The following CDK6 variants were observed in gnomAD, a reference collection of about 807,000 sequenced individuals.
CDK6 encodes cyclin dependent kinase 6.
A neutral mutation model predicts 37.1 loss-of-function variants in CDK6; 6 were observed. The ratio of observed to expected loss-of-function variants is 0.16; its 90% CI spans 0.09 to 0.32. The LOEUF is 0.32. Ranked by LOEUF, CDK6 falls within the 10% of genes least tolerant of loss-of-function variation. The pLI is 1.00. For synonymous variants in CDK6, 160 were observed against 161.3 expected (o/e 0.99, Z 0.06); for missense variants, 224 against 418.9 (o/e 0.53, Z 4.06).
intron 5 of CDK6, among the ~76,000 whole-genome samples, chr7:92,656,959 C>T (rs1407989041): frequency 6.6e-6 from 1 of 152,094 alleles, no homozygotes; most frequent in Non-Finnish European, 1.5e-5. Flanking sequence ...AGTTTATTAC[C>T]ATTAGATCAT....
At chr7:92,827,562 C>T (rs1562977639) in intron 2 of CDK6, among the ~76,000 whole-genome samples, 2 of 152,158 alleles carry the variant, frequency 1.3e-5, no homozygotes, top group East Asian at 1.9e-4. Flanking sequence ...AACTACCCAG[C>T]AGCTCTTGGA....
At chr7:92,662,021 G>A (rs1796851157) in intron 5 of CDK6, among the ~76,000 whole-genome samples, 2 of 152,182 alleles carry the variant, frequency 1.3e-5, no homozygotes, top group African/African-American at 2.4e-5. Context: ...GGAATACAAA[G>A]GGGAATGAGA....
intron 4 of CDK6, among the ~76,000 whole-genome samples, chr7:92,719,951 T>C (rs2116698501): frequency 6.6e-6 from 1 of 152,224 alleles, no homozygotes; most frequent in African/African-American, 2.4e-5. Context: ...GAATGTGCTG[T>C]TGCAATTATG....
intron 3 of CDK6, among the ~76,000 whole-genome samples, chr7:92,768,797 C>G (rs1337417042): frequency 6.6e-6 from 1 of 152,062 alleles, no homozygotes; most frequent in African/African-American, 2.4e-5. Context: ...GCCTTGTTTT[C>G]TGGGAAGCGA....
intron 2 of CDK6, among the ~76,000 whole-genome samples, chr7:92,781,568 C>CA (rs1336866631): frequency 6.6e-6 from 1 of 152,198 alleles, no homozygotes; most frequent in Non-Finnish European, 1.5e-5. Context: ...GCTTTGTAAA[C>CA]ACAAGCCCTG....
intron 4 of CDK6, among the ~76,000 whole-genome samples, chr7:92,680,217 G>A (rs547857961): frequency 1.4e-3 from 206 of 150,724 alleles, no homozygotes; most frequent in African/African-American, 4.8e-3. Context: ...CGGATGACCT[G>A]AGGTTGGGAG....
intron 3 of CDK6, among the ~76,000 whole-genome samples, chr7:92,770,584 G>A (rs955626320): frequency 6.6e-6 from 1 of 151,986 alleles, no homozygotes; most frequent in African/African-American, 2.4e-5. Context: ...AAAACAAATG[G>A]CACTTAAGTG....
intron 5 of CDK6, among the ~76,000 whole-genome samples, chr7:92,630,444 C>T (rs1222936880): frequency 6.6e-6 from 1 of 152,050 alleles, no homozygotes; most frequent in Non-Finnish European, 1.5e-5. Context: ...CATTTTAATT[C>T]TCACTCTAAC....
Position 92,607,385 on chromosome 7 carries a change from T to C in CDK6, c.*7755A>G, listed in dbSNP as rs554059698. The C allele has an allele frequency of 4.7e-5, 11 of 233,244 alleles. No homozygotes were observed. The highest frequency in any genetic ancestry group is 1.5e-4 in the African/African-American group (7 of 45,462). 14.4% of individuals were successfully genotyped at this position (233,244 alleles called of 1,614,324 possible). ...CTACCTTTAGTTTTTATTTTTGCTA[T>C]ATTTTTGCACTCTACTATATGCATA... On this transcript the variant is annotated 3_prime_UTR_variant, in exon 8 of 8. Coordinates refer to ENST00000424848, the MANE Select transcript of CDK6 (RefSeq NM_001145306.2).
intron 5 of CDK6, among the ~76,000 whole-genome samples, chr7:92,633,895 G>A (rs1011729120): frequency 1.3e-5 from 2 of 151,896 alleles, no homozygotes; most frequent in African/African-American, 4.8e-5. Context: ...GCTACAGTGG[G>A]GTGTGCTAGT....
chr7:92,637,687 TATC>T (rs1796204272), intron 5 of CDK6, among the ~76,000 whole-genome samples: 1 of 152,304 alleles, frequency 6.6e-6, no homozygotes. Context: ...GCTAAGTAAA[TATC>T]ATTATCCTCA....
At chr7:92,653,676 G>A (rs530633672) in intron 5 of CDK6, among the ~76,000 whole-genome samples, 1 of 152,232 alleles carries the variant, frequency 6.6e-6, no homozygotes, top group African/African-American at 2.4e-5. Flanking sequence ...AAATATTACA[G>A]GATCTTTTAA....
intron 3 of CDK6, among the ~76,000 whole-genome samples, chr7:92,739,796 G>T (rs1294217560): frequency 6.6e-6 from 1 of 152,132 alleles, no homozygotes; most frequent in Non-Finnish European, 1.5e-5. Context: ...TCACTCTGTT[G>T]CCCAGGCTGG....
At chr7:92,761,052 T>A (rs1799443699) in intron 3 of CDK6, among the ~76,000 whole-genome samples, 1 of 152,046 alleles carries the variant, frequency 6.6e-6, no homozygotes, top group East Asian at 1.9e-4. Flanking sequence ...CTTAGTGGTT[T>A]GTAAGAGCTT....
At chr7:92,721,378 G>T (rs1007700019) in intron 4 of CDK6, among the ~76,000 whole-genome samples, 2 of 152,164 alleles carry the variant, frequency 1.3e-5, no homozygotes, top group South Asian at 4.1e-4. Context: ...TGGCACCCTG[G>T]GTTGTGTGCT....
At chr7:92,685,520 C>T (rs1278619804) in intron 4 of CDK6, among the ~76,000 whole-genome samples, 1 of 152,182 alleles carries the variant, frequency 6.6e-6, no homozygotes, top group Non-Finnish European at 1.5e-5. Flanking sequence ...TTTCTAGAAA[C>T]CTGTGGCAGG....
chr7:92,620,121 T>A (rs986477867), intron 6 of CDK6, among the ~76,000 whole-genome samples: 1 of 152,208 alleles, frequency 6.6e-6, no homozygotes, highest in African/African-American at 2.4e-5. Context: ...AAATCTTTTT[T>A]ATTTGTGGCT....
At chr7:92,722,416 T>C (rs1798389307) in intron 4 of CDK6, among the ~76,000 whole-genome samples, 1 of 152,192 alleles carries the variant, frequency 6.6e-6, no homozygotes, top group Non-Finnish European at 1.5e-5. Context: ...CCTGAGGCAG[T>C]AGAAAGGATT....
intron 4 of CDK6, among the ~76,000 whole-genome samples, chr7:92,700,867 C>T (rs1293483775): frequency 1.3e-5 from 2 of 152,206 alleles, no homozygotes; most frequent in Non-Finnish European, 2.9e-5. Context: ...TGCATGTACC[C>T]GAAGATGCCA....
Sources: allele counts gnomAD v4.1 joint callset (sites outside exome capture counted in the v4.1 genomes callset), GRCh38; gene constraint gnomAD v4.1.1; transcripts MANE v1.5; gene names NCBI Gene and HGNC (gene_info 2026-07-23, HGNC 2026-07-21).